The following SPDYA variants were observed in gnomAD, a reference collection of about 807,000 sequenced individuals.
SPDYA encodes the protein speedy protein A.
Under a neutral mutation model 36.7 loss-of-function variants are expected in SPDYA, and 11 were observed. That is an observed-to-expected ratio of 0.30 (90% confidence interval 0.19 to 0.50). SPDYA has a LOEUF of 0.50. SPDYA is among the 20% of genes least tolerant of loss of function. SPDYA has a pLI of 0.98. For missense variants in SPDYA, 287 were observed against 370.9 expected (o/e 0.77, Z 1.86); for synonymous variants, 115 against 118.7 (o/e 0.97, Z 0.20).
chr2:28,817,115 C>T (rs1485639778), intron 3 of SPDYA, among the ~76,000 whole-genome samples: 1 of 152,134 alleles, frequency 6.6e-6, no homozygotes, highest in African/African-American at 2.4e-5. Context: ...TATAAAGATG[C>T]TTCCCCATCA....
chr2:28,832,533 G>C (rs983143619), intron 6 of SPDYA, among the ~76,000 whole-genome samples: 4 of 152,100 alleles, frequency 2.6e-5, no homozygotes, highest in African/African-American at 7.2e-5. Flanking sequence ...ATCGCCTGTT[G>C]GTATTTTTTG....
intron 6 of SPDYA, among the ~76,000 whole-genome samples, chr2:28,835,626 C>A (rs1318942796): frequency 1.3e-5 from 2 of 152,194 alleles, no homozygotes; most frequent in Non-Finnish European, 2.9e-5. Flanking sequence ...ATGAATGGAA[C>A]TTCCAATTCT....
At chr2:28,823,702 AATATATATATATATATATAT>A (rs1160889916) in intron 5 of SPDYA, among the ~76,000 whole-genome samples, 711 of 49,212 alleles carry the variant, frequency 0.014, 27 homozygotes, top group Middle Eastern at 0.053. Context: ...GGAATGCATG[AATATATATATATATATATAT>A]ATATATATAT....
chr2:28,823,702 AATATATATAT>A (rs1160889916), intron 5 of SPDYA, among the ~76,000 whole-genome samples: 7,659 of 49,136 alleles, frequency 0.16, 568 homozygotes, highest in Middle Eastern at 0.18. Flanking sequence ...GGAATGCATG[AATATATATAT>A]ATATATATAT....
Position 28,845,069 on chromosome 2 carries a change from G to A in SPDYA, c.850+4600G>A, listed in dbSNP as rs555096752. ...CAAAGTGCTGGGATTACAAGAGTGA[G>A]CTACTGTGCCCAGCCAAATGCTTTT... On this transcript the variant is annotated intron_variant, in intron 7 of 7. Coordinates refer to ENST00000334056, the MANE Select transcript of SPDYA (RefSeq NM_182756.4). Among the ~76,000 whole-genome samples, 446 of 152,192 alleles carry A rather than the reference G, an allele frequency of 2.9e-3. 1 individual carries two copies. The highest frequency in any genetic ancestry group is 4.5e-3 in the Non-Finnish European group (308 of 67,990).
At chr2:28,833,656 G>A (rs1459271544) in intron 6 of SPDYA, among the ~76,000 whole-genome samples, 1 of 152,108 alleles carries the variant, frequency 6.6e-6, no homozygotes, top group African/African-American at 2.4e-5. Flanking sequence ...ATGACAACTG[G>A]ATATCTACAA....
intron 4 of SPDYA, 103 bp from the exon 5 acceptor site, chr2:28,822,222 G>T: frequency 1.9e-6 from 1 of 513,108 alleles, no homozygotes; most frequent in East Asian, 3.3e-5. Context: ...ACACTTTATT[G>T]TTTTAGCTTA....
chr2:28,843,281 G>T (rs1190960502), intron 7 of SPDYA, among the ~76,000 whole-genome samples: 1 of 152,202 alleles, frequency 6.6e-6, no homozygotes, highest in Non-Finnish European at 1.5e-5. Flanking sequence ...GGGCACGGTG[G>T]CTTGTGCCTG....
At chr2:28,845,579 T>C (rs998700611) in intron 7 of SPDYA, among the ~76,000 whole-genome samples, 20 of 152,052 alleles carry the variant, frequency 1.3e-4, no homozygotes, top group African/African-American at 4.8e-4. Context: ...GGAGTTTTGC[T>C]TGTTGCCCAG....
chr2:28,815,283 AACACACACACACACACACACACACAC>A (rs55773017), intron 2 of SPDYA, among the ~76,000 whole-genome samples: 5 of 136,928 alleles, frequency 3.7e-5, no homozygotes, highest in Middle Eastern at 7.2e-3. Flanking sequence ...CCCTGTCTGA[AACACACACACACACACACACACACAC>A]ACACACACAC....
At chr2:28,814,029 A>G (rs1010901679) in intron 1 of SPDYA, among the ~76,000 whole-genome samples, 1 of 152,262 alleles carries the variant, frequency 6.6e-6, no homozygotes, top group Non-Finnish European at 1.5e-5. Context: ...CAAGTACATA[A>G]TTGCCTTCAA....
chr2:28,846,061 A>T (rs1668866909), intron 7 of SPDYA, among the ~76,000 whole-genome samples: 1 of 152,004 alleles, frequency 6.6e-6, no homozygotes, highest in African/African-American at 2.4e-5. Context: ...ACTATATACT[A>T]TGTATACCTA....
chr2:28,832,758 C>T (rs569275863), intron 6 of SPDYA, among the ~76,000 whole-genome samples: 1 of 152,034 alleles, frequency 6.6e-6, no homozygotes, highest in Non-Finnish European at 1.5e-5. Context: ...TTTCTCACCA[C>T]CTCCACCACT....
intron 1 of SPDYA, among the ~76,000 whole-genome samples, chr2:28,813,419 T>A (rs1369365762): frequency 6.6e-6 from 1 of 152,232 alleles, no homozygotes; most frequent in East Asian, 1.9e-4. Flanking sequence ...TTATTTTGTG[T>A]TCTGGTACAT....
At chr2:28,819,423 G>T (rs553538499) in intron 4 of SPDYA, among the ~76,000 whole-genome samples, 1 of 152,140 alleles carries the variant, frequency 6.6e-6, no homozygotes, top group East Asian at 1.9e-4. Flanking sequence ...AGGATCACTT[G>T]AACCCAGAAG....
At chr2:28,820,659 C>T (rs1345871401) in intron 4 of SPDYA, among the ~76,000 whole-genome samples, 1 of 152,048 alleles carries the variant, frequency 6.6e-6, no homozygotes, top group African/African-American at 2.4e-5. Flanking sequence ...AAATATTTCT[C>T]GTGCTAAGAA....
intron 1 of SPDYA, among the ~76,000 whole-genome samples, chr2:28,812,767 G>A (rs2148072686): frequency 7.0e-6 from 1 of 143,664 alleles, no homozygotes; most frequent in African/African-American, 2.6e-5. Flanking sequence ...TGAGGCTGGA[G>A]AATCGCTTGA....
chr2:28,835,387 G>A (rs376178834), intron 6 of SPDYA, among the ~76,000 whole-genome samples: 10 of 152,230 alleles, frequency 6.6e-5, no homozygotes, highest in South Asian at 2.1e-4. Flanking sequence ...ACAGGCATGC[G>A]CCACCACGCC....
chr2:28,829,216 G>A lies in SPDYA; in HGVS notation c.449G>A (p.Gly150Glu), dbSNP rs934423411. ...TACGAAATTTTTCCATGGGCTTTAG[G>A]GAAAAACTGGAGAAAATTGTTCCCT... is the stretch of plus-strand genomic sequence containing the variant. ...TKYEIFPWAL[G>E]KNWRKLFPNF... The change falls in exon 6 of 8, where the codon GGG becomes GAG. Residue 150 changes from glycine to glutamate, a missense_variant. Physicochemically the swap from Gly to Glu is moderately conservative, Grantham distance 98. Transcript: ENST00000334056. 1.2e-6 allele frequency: 2 copies of A among 1,613,868 alleles called. No homozygotes were observed. The highest frequency in any genetic ancestry group is 1.7e-6 in the Non-Finnish European group (2 of 1,179,952).
Sources: gnomAD v4.1 joint callset for allele counts (sites outside exome capture counted in the v4.1 genomes callset) on GRCh38, gnomAD v4.1.1 for gene constraint, MANE v1.5 for transcripts, NCBI Gene and HGNC (gene_info 2026-07-23, HGNC 2026-07-21) for gene names.